TMEM132E: variants seen among roughly 807,000 people sequenced by gnomAD.
TMEM132E encodes transmembrane protein 132E.
Under a neutral mutation model 78.5 loss-of-function variants are expected in TMEM132E, and 49 were observed. The ratio of observed to expected loss-of-function variants is 0.62; its 90% CI spans 0.50 to 0.79. TMEM132E has a LOEUF of 0.79. Among genes scored for constraint, TMEM132E ranks in the 30% least tolerant of loss-of-function variants. TMEM132E has a pLI of 0.00. For missense variants in TMEM132E, 1,403 were observed against 1,470.9 expected, an observed-to-expected ratio of 0.95 and a Z score of 0.75; for synonymous variants, 715 against 670.6, an observed-to-expected ratio of 1.07 and a Z score of -1.02.
At chr17:34,608,067 G>A (rs991934156) in intron 1 of TMEM132E, among the ~76,000 whole-genome samples, 2 of 152,170 alleles carry the variant, frequency 1.3e-5, no homozygotes, top group Non-Finnish European at 2.9e-5. Flanking sequence ...GGGGCTGAAG[G>A]TTTCAACCTT....
chr17:34,593,955 C>T (rs1404617473), intron 1 of TMEM132E, among the ~76,000 whole-genome samples: 1 of 152,182 alleles, frequency 6.6e-6, no homozygotes, highest in East Asian at 1.9e-4. Context: ...GGCACAGAGC[C>T]TCAAGGACTT....
intron 1 of TMEM132E, among the ~76,000 whole-genome samples, chr17:34,589,048 T>G (rs1403836222): frequency 2.0e-5 from 3 of 152,164 alleles, no homozygotes; most frequent in African/African-American, 7.2e-5. Context: ...GCTATTTATT[T>G]TAAAGGCAGG....
At chr17:34,607,366 G>A (rs549109581) in intron 1 of TMEM132E, among the ~76,000 whole-genome samples, 1 of 152,270 alleles carries the variant, frequency 6.6e-6, no homozygotes. Flanking sequence ...GGGGAACCAG[G>A]GTTGACTTGG....
chr17:34,600,426 AGTGTGTGTGTGTGTGTGTGT>A (rs3220449), intron 1 of TMEM132E, among the ~76,000 whole-genome samples: 2 of 143,968 alleles, frequency 1.4e-5, no homozygotes, highest in Admixed American at 6.9e-5. Flanking sequence ...AGCGTATATG[AGTGTGTGTGTGTGTGTGTGT>A]GTGTGTGTGT....
rs1907114363 is a variant in TMEM132E at position 34,626,236 on chromosome 17, G to A, written c.177G>A (p.Arg59=). 2 of 1,593,610 alleles carry A rather than the reference G, an allele frequency of 1.3e-6. No homozygotes were observed. Among genetic ancestry groups the A allele is most frequent in the Non-Finnish European group, 8.5e-7 (1 of 1,170,748 alleles). ...ACACGCGGCTGGCCTTCTTCCTGCG[G>A]GAGGCGCGGCCCCCGTCACCCGCGG... is the stretch of plus-strand genomic sequence containing the variant. ...LSHTRLAFFL[R]EARPPSPAVA... The change falls in exon 2 of 9, where the codon CGG becomes CGA. Residue 59 remains arginine (R), a synonymous_variant. Transcript: ENST00000631683.
At position 34,580,842 on chromosome 17, in the gene TMEM132E, T is replaced by G; in HGVS notation, c.-235T>G. On this transcript the variant is annotated 5_prime_UTR_variant, in exon 1 of 9. Coordinates refer to ENST00000631683, the MANE Select transcript of TMEM132E (RefSeq NM_001304438.2). ...TGCAGGGGGCACCAGCTGGGGGAGGTGGAGGCTCCTCCCGCCCGGAGCTGC... is the reference window on the plus strand; with the variant it reads ...TGCAGGGGGCACCAGCTGGGGGAGGGGGAGGCTCCTCCCGCCCGGAGCTGC... The G allele has an allele frequency of 4.5e-6, 2 of 447,092 alleles. No homozygotes were observed. Among genetic ancestry groups the G allele is most frequent in the South Asian group, 4.0e-5 (1 of 24,706 alleles). 27.7% of individuals were successfully genotyped at this position (447,092 alleles called of 1,614,324 possible).
chr17:34,597,956 C>T (rs1433639688), intron 1 of TMEM132E, among the ~76,000 whole-genome samples: 2 of 152,254 alleles, frequency 1.3e-5, no homozygotes, highest in African/African-American at 4.8e-5. Flanking sequence ...CCTCAGTTTC[C>T]CTGTTTGAGA....
chr17:34,580,808 C>T lies in TMEM132E; in HGVS notation c.-269C>T, dbSNP rs1905441701. On this transcript the variant is annotated 5_prime_UTR_variant, in exon 1 of 9. Coordinates refer to ENST00000631683, the MANE Select transcript of TMEM132E (RefSeq NM_001304438.2). ...TGCACGTGCAGCTCCCCCCGCGCCT[C>T]GCAGATCCTGCAGGGGGCACCAGCT... 5.0e-6 allele frequency: 2 copies of T among 399,524 alleles called. No homozygotes were observed. The highest frequency in any genetic ancestry group is 1.1e-4 in the South Asian group (2 of 17,488). The allele number at this position is 399,524 out of a possible 1,614,324, so 24.7% of individuals were successfully genotyped here.
rs1042165675 is a variant in TMEM132E, at chr17:34,626,803, C to T, written c.744C>T (p.Ser248=). ...APDASGGCGG[S]RRGAGPGVGA... ...ATGCGTCGGGGGGCTGCGGGGGCTC[C>T]CGCCGGGGGGCCGGGCCCGGGGTGG... Residue 248 remains serine (S), a synonymous_variant, in exon 2 of 9, where the codon TCC becomes TCT. Coordinates refer to ENST00000631683, the MANE Select transcript of TMEM132E (RefSeq NM_001304438.2). 5 of 1,522,696 alleles carry T rather than the reference C, an allele frequency of 3.3e-6. No homozygotes were observed. The highest frequency in any genetic ancestry group is 4.4e-6 in the Non-Finnish European group (5 of 1,138,912). The allele number at this position is 1,522,696 out of a possible 1,614,324, so 94.3% of individuals were successfully genotyped here.
rs1193618105 is a variant in TMEM132E at position 34,628,587 on chromosome 17, C to T, written c.1023C>T (p.Thr341=). ...TLRVKAKKGV[T]LLGTKSRSGQ... Reference sequence around the variant, plus strand: ...GGGTGAAGGCCAAGAAGGGTGTGACCCTTTTAGGTACCAAGTCACGGAGTG... The same window carrying T: ...GGGTGAAGGCCAAGAAGGGTGTGACTCTTTTAGGTACCAAGTCACGGAGTG... The change falls in exon 3 of 9, where the codon ACC becomes ACT. Residue 341 remains threonine (T), a synonymous_variant. Coordinates refer to ENST00000631683, the MANE Select transcript of TMEM132E (RefSeq NM_001304438.2). 1 of 1,613,948 alleles carries T rather than the reference C, an allele frequency of 6.2e-7. No homozygotes were observed. Among genetic ancestry groups the T allele is most frequent in the South Asian group, 1.1e-5 (1 of 91,032 alleles).
intron 1 of TMEM132E, among the ~76,000 whole-genome samples, chr17:34,601,966 C>T (rs1012206404): frequency 1.3e-5 from 2 of 152,218 alleles, no homozygotes; most frequent in African/African-American, 2.4e-5. Context: ...AGGGGGGACC[C>T]CAGCATTTGG....
chr17:34,587,657 G>C (rs745330366), intron 1 of TMEM132E, among the ~76,000 whole-genome samples: 4 of 152,132 alleles, frequency 2.6e-5, no homozygotes, highest in African/African-American at 9.7e-5. Context: ...TTAGTAGCTT[G>C]GTACAGGTGA....
At position 34,581,093 on chromosome 17, in the gene TMEM132E, C is replaced by A; in HGVS notation, c.17C>A (p.Ser6Ter). ...GCCTCGGCCATGGCCCCGGGGATGT[C>A]GGGCCGCGGCGGCGCCGCCCTGCTC... MAPGM[S>*]GRGGAALLCL... is the part of the protein sequence containing the mutation. Residue 6 changes from serine (S) to a stop codon, truncating the protein, a stop_gained, in exon 1 of 9, where the codon TCG becomes TAG. Transcript: ENST00000631683. LOFTEE classifies it high-confidence loss of function. The A allele has an allele frequency of 1.9e-6, 3 of 1,546,510 alleles. No homozygotes were observed. Among genetic ancestry groups the A allele is most frequent in the Non-Finnish European group, 1.7e-6 (2 of 1,153,046 alleles).
At position 34,637,863 on chromosome 17, in the gene TMEM132E, G is replaced by A. The variant is rs371619882; in HGVS notation, c.2856G>A (p.Pro952=). The A allele has an allele frequency of 1.3e-5, 21 of 1,608,642 alleles. No individual in the cohort carries two copies. The African/African-American group carries it at 2.5e-4, about 19-fold the overall frequency. The change falls in exon 9 of 9, where the codon CCG becomes CCA. Residue 952 remains proline, a synonymous_variant. Transcript: ENST00000631683. ...QPLRVQGELS[P]PAGNPLETVP... The stretch of plus-strand genomic sequence containing the variant: ...TGCGGGTGCAAGGAGAGCTGTCGCC[G>A]CCAGCAGGCAACCCGCTGGAAACCG...
At chr17:34,623,226 A>G (rs557997473) in intron 1 of TMEM132E, among the ~76,000 whole-genome samples, 300 of 152,204 alleles carry the variant, frequency 2.0e-3, no homozygotes, top group African/African-American at 6.9e-3. Context: ...CCCTTCCTTC[A>G]TGCCCCTCTG....
intron 4 of TMEM132E, among the ~76,000 whole-genome samples, chr17:34,629,415 G>T (rs1176506105): frequency 6.6e-6 from 1 of 152,228 alleles, no homozygotes; most frequent in Non-Finnish European, 1.5e-5. Flanking sequence ...GCTCAGGGGG[G>T]CAGAGGTGGG....
rs565908738 is a variant in TMEM132E at position 34,603,237 on chromosome 17, T to A, written c.67+22094T>A. Among the ~76,000 whole-genome samples, 87 of 152,154 alleles carry A rather than the reference T, an allele frequency of 5.7e-4. No individual in the cohort carries two copies. In the South Asian group the frequency reaches 0.016, roughly 28 times the overall value. ...GGGATAAGGCAGTGTCTGTATCAGA[T>A]GTGTGTAACCTCAGATTCCTCCACT... On this transcript the variant is annotated intron_variant, in intron 1 of 8. Coordinates refer to ENST00000631683, the MANE Select transcript of TMEM132E (RefSeq NM_001304438.2).
chr17:34,628,695 A>C lies in TMEM132E; in HGVS notation c.1131A>C (p.Thr377=). ...TGGATGTGGCCTGGGCTCAGAGCAC[A>C]CCCCTGCCCCCCAGGTGAGCCCGAG... ...ATVDVAWAQS[T]PLPPREGQGP... Residue 377 remains threonine (T), a synonymous_variant, in exon 3 of 9, where the codon ACA becomes ACC. Transcript: ENST00000631683. 2 of 1,598,746 alleles carry C rather than the reference A, an allele frequency of 1.3e-6. No individual in the cohort carries two copies. The highest frequency in any genetic ancestry group is 1.7e-6 in the Non-Finnish European group (2 of 1,171,892).
At chr17:34,631,521 C>G (rs2142084103) in intron 5 of TMEM132E, among the ~76,000 whole-genome samples, 1 of 152,342 alleles carries the variant, frequency 6.6e-6, no homozygotes, top group Non-Finnish European at 1.5e-5. Context: ...ATGAAATATA[C>G]TCAGGTCTTT....
Sources: allele counts gnomAD v4.1 joint callset (sites outside exome capture counted in the v4.1 genomes callset), GRCh38; gene constraint gnomAD v4.1.1; transcripts MANE v1.5; gene names NCBI Gene and HGNC (gene_info 2026-07-23, HGNC 2026-07-21).